VSTM4: variants seen among roughly 807,000 people sequenced by gnomAD.
VSTM4 encodes V-set and transmembrane domain containing 4.
VSTM4 carries 20 observed loss-of-function variants against 36.4 expected under a neutral mutation model. The observed-to-expected ratio is 0.55, with a 90% CI of 0.39 to 0.80. The LOEUF is 0.80. Among genes scored for constraint, VSTM4 ranks in the 30% least tolerant of loss-of-function variants. VSTM4 has a pLI of 0.00. For synonymous variants in VSTM4, 182 were observed against 173.9 expected (o/e 1.05, Z -0.37); for missense variants, 392 against 404.5 (o/e 0.97, Z 0.26).
chr10:49,078,681 C>T (rs1844224406), intron 3 of VSTM4, among the ~76,000 whole-genome samples: 1 of 152,124 alleles, frequency 6.6e-6, no homozygotes, highest in Non-Finnish European at 1.5e-5. Flanking sequence ...GGTTTGGCTA[C>T]AAGGGCCACT....
chr10:49,113,873 C>T (rs4558091), intron 1 of VSTM4, among the ~76,000 whole-genome samples: 74,390 of 151,922 alleles, frequency 0.49, 19,595 homozygotes, highest in African/African-American at 0.7. Context: ...CTCTTATCAT[C>T]CTCCAGGGCT....
chr10:49,037,251 G>A (rs575400442), intron 7 of VSTM4, among the ~76,000 whole-genome samples: 5 of 152,106 alleles, frequency 3.3e-5, no homozygotes, highest in East Asian at 1.9e-4. Flanking sequence ...TGATAGCGTC[G>A]ACCCCACCAG....
At chr10:49,021,289 A>G (rs972498458) in intron 7 of VSTM4, among the ~76,000 whole-genome samples, 1 of 152,168 alleles carries the variant, frequency 6.6e-6, no homozygotes, top group Admixed American at 6.5e-5. Flanking sequence ...AAATAAACCT[A>G]TAAAAGTACT....
rs1843111192 is a variant in VSTM4, at chr10:49,016,785, C to T, written c.*2865G>A. ...GACTCTAAGGAATCCCAGGCCTCTC[C>T]TCCACTACAGCTGCTTCAGGGCAGG... On this transcript the variant is annotated 3_prime_UTR_variant, in exon 8 of 8. Coordinates refer to ENST00000332853, the MANE Select transcript of VSTM4 (RefSeq NM_001031746.5). The T allele has an allele frequency of 6.6e-6, 1 of 152,250 alleles. No homozygotes were observed. Among genetic ancestry groups the T allele is most frequent in the African/African-American group, 2.4e-5 (1 of 41,454 alleles). The allele number at this position is 152,250 out of a possible 1,614,324, so 9.4% of individuals were successfully genotyped here.
chr10:49,053,675 T>C lies in VSTM4; in HGVS notation c.669-5091A>G, dbSNP rs1843732770. Among the ~76,000 whole-genome samples, 5 of 152,304 alleles carry C rather than the reference T, an allele frequency of 3.3e-5. No homozygotes were observed. In the South Asian group the frequency reaches 1.0e-3, roughly 32 times the overall value. On this transcript the variant is annotated intron_variant, in intron 5 of 7. Transcript: ENST00000332853. ...TGGTACTACCCAGGGAGGATGATGT[T>C]GCCACTTGGGTATTTCATGGTGCCC... is the stretch of plus-strand genomic sequence containing the variant.
chr10:49,090,244 A>C (rs567708244), intron 2 of VSTM4, among the ~76,000 whole-genome samples: 119 of 152,356 alleles, frequency 7.8e-4, no homozygotes, highest in Non-Finnish European at 2.6e-4. Context: ...AGAGTCAATC[A>C]ATCTATCCCA....
intron 5 of VSTM4, among the ~76,000 whole-genome samples, chr10:49,063,025 CTTT>C (rs141666556): frequency 7.2e-6 from 1 of 138,852 alleles, no homozygotes; most frequent in African/African-American, 2.6e-5. Flanking sequence ...ATGATTGAAT[CTTT>C]TTTTTTTTTT....
At chr10:49,046,096 T>C (rs1394686910) in intron 7 of VSTM4, among the ~76,000 whole-genome samples, 1 of 152,200 alleles carries the variant, frequency 6.6e-6, no homozygotes, top group African/African-American at 2.4e-5. Flanking sequence ...CCACCATGAC[T>C]GTAAGTTTCC....
At chr10:49,114,585 G>T (rs200377193) in intron 1 of VSTM4, among the ~76,000 whole-genome samples, 47 of 142,406 alleles carry the variant, frequency 3.3e-4, no homozygotes, top group Admixed American at 1.5e-3. Context: ...CCAAGTTCAT[G>T]TTTTTTTTTT....
chr10:49,090,267 G>C (rs1844448891), intron 2 of VSTM4, among the ~76,000 whole-genome samples: 1 of 152,194 alleles, frequency 6.6e-6, no homozygotes, highest in South Asian at 2.1e-4. Context: ...CTGCCGTACT[G>C]GGCTCACCTT....
chr10:49,093,387 T>C (rs1844513311), intron 2 of VSTM4, among the ~76,000 whole-genome samples: 1 of 152,196 alleles, frequency 6.6e-6, no homozygotes, highest in Admixed American at 6.5e-5. Context: ...ACTTTTCCCG[T>C]TTCAAAAGGA....
chr10:49,107,376 C>T (rs1014936090), intron 2 of VSTM4, among the ~76,000 whole-genome samples: 1 of 152,256 alleles, frequency 6.6e-6, no homozygotes, highest in African/African-American at 2.4e-5. Context: ...TTGGTCCTTT[C>T]TGTTCTCACT....
At chr10:49,023,662 A>G (rs999091931) in intron 7 of VSTM4, among the ~76,000 whole-genome samples, 1 of 152,174 alleles carries the variant, frequency 6.6e-6, no homozygotes, top group African/African-American at 2.4e-5. Flanking sequence ...CCCAAACTGG[A>G]TTTAAGCTAG....
chr10:49,113,559 T>A (rs140780542), intron 1 of VSTM4, among the ~76,000 whole-genome samples: 4 of 152,310 alleles, frequency 2.6e-5, no homozygotes, highest in Admixed American at 2.0e-4. Flanking sequence ...GTGGCAGAGC[T>A]GGAATTCGAA....
chr10:49,051,585 G>T (rs1258041577), intron 5 of VSTM4, among the ~76,000 whole-genome samples: 1 of 151,918 alleles, frequency 6.6e-6, no homozygotes, highest in Non-Finnish European at 1.5e-5. Flanking sequence ...TAGTAGAGAG[G>T]GGGTTTCACC....
In VSTM4 at chr10:49,077,250, C is replaced by A. The variant is rs753659403; in HGVS notation, c.603G>T (p.Trp201Cys). The A allele has an allele frequency of 3.7e-6, 6 of 1,614,010 alleles. No individual in the cohort carries two copies. The highest frequency in any genetic ancestry group is 2.2e-5 in the South Asian group (2 of 91,088). Residue 201 changes from tryptophan to cysteine, a missense_variant, in exon 4 of 8, where the codon TGG becomes TGT. By Grantham distance (215) the Trp-to-Cys change is radical. Coordinates refer to ENST00000332853, the MANE Select transcript of VSTM4 (RefSeq NM_001031746.5). Reference sequence around the variant, plus strand: ...ATTTCCGCTTGTTAAACACAGACTGCCAGACGATGACCAGCATGAAGAGCA... The same window carrying A: ...ATTTCCGCTTGTTAAACACAGACTGACAGACGATGACCAGCATGAAGAGCA... ...SILLFMLVIV[W>C]QSVFNKRKSR...
At chr10:49,081,081 G>C (rs762291013) in intron 3 of VSTM4, among the ~76,000 whole-genome samples, 5 of 152,160 alleles carry the variant, frequency 3.3e-5, no homozygotes, top group Non-Finnish European at 7.4e-5. Context: ...CAGGGACAGA[G>C]CAAAGTTCAC....
At chr10:49,102,707 C>T in intron 2 of VSTM4, 2 of 985,380 alleles carry the variant, frequency 2.0e-6, no homozygotes, top group Non-Finnish European at 2.4e-6. Context: ...TCCACCAAGT[C>T]ACGCCTACTT....
At chr10:49,079,808 GAA>G (rs34501606) in intron 3 of VSTM4, among the ~76,000 whole-genome samples, 2 of 151,764 alleles carry the variant, frequency 1.3e-5, no homozygotes, top group South Asian at 2.1e-4. Context: ...AAAATGTATA[GAA>G]AAAAAAGCCA....
Sources: gnomAD v4.1 joint callset for allele counts (sites outside exome capture counted in the v4.1 genomes callset) on GRCh38, gnomAD v4.1.1 for gene constraint, MANE v1.5 for transcripts, NCBI Gene and HGNC (gene_info 2026-07-23, HGNC 2026-07-21) for gene names.